FBRS: variants seen among roughly 807,000 people sequenced by gnomAD.
FBRS encodes fibrosin.
FBRS carries 15 observed loss-of-function variants against 86.1 expected under a neutral mutation model. That is an observed-to-expected ratio of 0.17 (90% CI 0.12 to 0.27). The LOEUF (loss-of-function observed/expected upper bound fraction) is 0.27. FBRS is among the 10% of genes least tolerant of loss of function. The pLI is 1.00. For missense variants in FBRS, 1,367 were observed against 1,301.6 expected, an observed-to-expected ratio of 1.05 and a Z score of -0.77; for synonymous variants, 666 against 575.8, an observed-to-expected ratio of 1.16 and a Z score of -2.24.
rs1454898979 is a variant in FBRS at position 30,670,367 on chromosome 16, C to G, written c.*722C>G. 1 of 363,680 alleles carries G rather than the reference C, an allele frequency of 2.7e-6. No individual in the cohort carries two copies. Among genetic ancestry groups the G allele is most frequent in the Non-Finnish European group, 5.4e-6 (1 of 186,024 alleles). 22.5% of individuals were successfully genotyped at this position (363,680 alleles called of 1,614,324 possible). A position where few individuals can be genotyped will look rare whatever the true frequency, so the allele number is the denominator to read the frequency against. ...GGGCAGAAGCTTCCTACTTGGCTGA[C>G]AGCCCCGGTTCCCCCAACATGTTCC... On this transcript the variant is annotated 3_prime_UTR_variant, in exon 18 of 18. Transcript: ENST00000356166.
chr16:30,667,215 C>T, intron 13 of FBRS, 105 bp from the exon 14 acceptor site: 1 of 1,020,066 alleles, frequency 9.8e-7, no homozygotes, highest in Non-Finnish European at 1.4e-6. Context: ...ATCCAGGCCC[C>T]ATCTGGGTGC....
At position 30,659,758 on chromosome 16, in the gene FBRS, A is replaced by T; in HGVS notation, c.240A>T (p.Arg80Ser). 1 of 1,413,658 alleles carries T rather than the reference A, an allele frequency of 7.1e-7. No homozygotes were observed. Among genetic ancestry groups the T allele is most frequent in the Non-Finnish European group, 9.4e-7 (1 of 1,063,486 alleles). 87.6% of individuals were successfully genotyped at this position (1,413,658 alleles called of 1,614,324 possible). ...ASSGERPGGP[R>S]RRRPRPRPRP... ...CTGGAGAGCGGCCTGGGGGCCCGAG[A>T]CGCCGGCGGCCCCGTCCGAGACCTC... The change falls in exon 1 of 18, where the codon AGA (arginine) becomes AGT (serine). Residue 80 changes from arginine (R) to serine (S), a missense_variant. Physicochemically the swap from Arg to Ser is moderately radical, Grantham distance 110. Around this residue, in one of 3 missense-constraint regions of FBRS, gnomAD observed 702 missense variants for 598.7 expected, o/e 1.17. Coordinates refer to ENST00000356166, the MANE Select transcript of FBRS (RefSeq NM_001105079.3).
rs1470909512 is a variant in FBRS at position 30,664,249 on chromosome 16, C to T, written c.1090C>T (p.Pro364Ser). The stretch of plus-strand genomic sequence containing the variant: ...GCCGCCCCCCAAGGCCCCGGCCCCT[C>T]CCGTGGCTCAGCCTCCCCCCTCATC... ...SRPPPKAPAP[P>S]VAQPPPSSSS... Residue 364 changes from proline to serine, a missense_variant, in exon 7 of 18, where the codon CCC (proline) becomes TCC (serine). Transcript: ENST00000356166. The T allele has an allele frequency of 6.8e-7, 1 of 1,468,054 alleles. No homozygotes were observed. The highest frequency in any genetic ancestry group is 9.1e-7 in the Non-Finnish European group (1 of 1,097,356). 90.9% of individuals were successfully genotyped at this position (1,468,054 alleles called of 1,614,324 possible). A position where few individuals can be genotyped will look rare whatever the true frequency, so the allele number is the denominator to read the frequency against.
At chr16:30,660,694 T>G in intron 2 of FBRS, 1 of 567,796 alleles carries the variant, frequency 1.8e-6, no homozygotes, top group Non-Finnish European at 2.7e-6. Context: ...AGGAATATAG[T>G]TGGGTCGTAA....
At chr16:30,662,982 A>T in intron 6 of FBRS, 123 bp downstream of exon 6, 1 of 1,324,536 alleles carries the variant, frequency 7.5e-7, no homozygotes, top group Non-Finnish European at 9.7e-7. Flanking sequence ...AGTTTGAGAA[A>T]AACAAATGGA....
chr16:30,662,773 ACCCCAG>A lies in FBRS; in HGVS notation c.977_982del (p.Pro326_Gln327del). The A allele has an allele frequency of 1.3e-6, 2 of 1,499,280 alleles. No individual in the cohort carries two copies. Among genetic ancestry groups the A allele is most frequent in the Non-Finnish European group, 1.8e-6 (2 of 1,118,670 alleles). The allele number at this position is 1,499,280 out of a possible 1,614,324, so 92.9% of individuals were successfully genotyped here. On this transcript the variant is annotated inframe_deletion, in exon 6 of 18. Transcript: ENST00000356166. ...CGGCCACTCCCAGTCTGCCACCCCC[ACCCCAG>A]CCCCAGCTGCAGCTTCGGGTCTCAC...
rs563758362 is a variant in FBRS, at chr16:30,669,228, C to T, written c.2526C>T (p.Ala842=). ...CCGCTGCCGCTGCTGCTGCCGCCGC[C>T]GCTGCCGCCGCCGCAGCAGCCACTG... ...AAAAAAAAAA[A]AAAAAAATGP... The change falls in exon 18 of 18, where the codon GCC becomes GCT. Residue 842 remains alanine, a synonymous_variant. Coordinates refer to ENST00000356166, the MANE Select transcript of FBRS (RefSeq NM_001105079.3). The surrounding 1 kb of genome is among the most constrained non-coding windows in gnomAD (Gnocchi z 5.9). The T allele has an allele frequency of 6.3e-5, 97 of 1,543,398 alleles. No homozygotes were observed. Among genetic ancestry groups the T allele is most frequent in the Non-Finnish European group, 7.4e-5 (85 of 1,142,348 alleles).
In FBRS at chr16:30,669,794, A is replaced by AC; in HGVS notation, c.*154dup. The AC allele has an allele frequency of 9.9e-7, 1 of 1,014,310 alleles. No homozygotes were observed. The highest frequency in any genetic ancestry group is 1.4e-6 in the Non-Finnish European group (1 of 715,774). The allele number at this position is 1,014,310 out of a possible 1,614,324, so 62.8% of individuals were successfully genotyped here. ...ATGGAACCTGGGAACAGAAGCCTCA[A>AC]CCCCCACAAGACCAAGCATCACATG... On this transcript the variant is annotated 3_prime_UTR_variant, in exon 18 of 18. Transcript: ENST00000356166. This position sits in a 1 kb window ranked among gnomAD's most constrained non-coding sequence, Gnocchi z 5.9.
chr16:30,660,659 T>G, intron 2 of FBRS: 6 of 743,380 alleles, frequency 8.1e-6, no homozygotes, highest in Non-Finnish European at 1.1e-5. Flanking sequence ...ACTTCAAACG[T>G]TTTGATAATT....
Position 30,662,810 on chromosome 16 carries a change from G to A in FBRS, c.1006G>A (p.Gly336Ser), listed in dbSNP as rs755292875. ...GCTGCAGCTTCGGGTCTCACCCTTC[G>A]GCCTCCGCACTTCTCCATATGGCAG... ...PQLQLRVSPF[G>S]LRTSPYGSSL... The change falls in exon 6 of 18, where the codon GGC becomes AGC. Residue 336 changes from glycine (G) to serine (S), a missense_variant. Physicochemically the swap from Gly to Ser is moderately conservative, Grantham distance 56 (BLOSUM62 0). Coordinates refer to ENST00000356166, the MANE Select transcript of FBRS (RefSeq NM_001105079.3). 167 of 1,480,256 alleles carry A rather than the reference G, an allele frequency of 1.1e-4. No homozygotes were observed. Among genetic ancestry groups the A allele is most frequent in the Non-Finnish European group, 1.4e-4 (159 of 1,110,262 alleles). 91.7% of individuals were successfully genotyped at this position (1,480,256 alleles called of 1,614,324 possible).
intron 13 of FBRS, 136 bp downstream of exon 13, chr16:30,667,126 G>A: frequency 9.7e-7 from 1 of 1,027,102 alleles, no homozygotes; most frequent in Non-Finnish European, 1.5e-6. Flanking sequence ...CTGCTGAACA[G>A]TTCTATGGCT....
At chr16:30,666,845 G>T in intron 12 of FBRS, 74 bp from the exon 13 acceptor site, 1 of 1,509,554 alleles carries the variant, frequency 6.6e-7, no homozygotes, top group Non-Finnish European at 9.1e-7. Flanking sequence ...TGGGCCCAGA[G>T]CCAGGCCTGG....
chr16:30,663,422 A>G (rs564607235), intron 6 of FBRS, among the ~76,000 whole-genome samples: 4 of 152,204 alleles, frequency 2.6e-5, no homozygotes, highest in African/African-American at 4.8e-5. Flanking sequence ...ACTTTAAAAA[A>G]TAGTCCTGAG....
chr16:30,668,740 C>G (rs776239889), intron 16 of FBRS, 32 bp from the exon 17 acceptor site: 13 of 1,588,834 alleles, frequency 8.2e-6, no homozygotes, highest in South Asian at 2.2e-5. Flanking sequence ...CACTTCTGGC[C>G]CCTGTCACTC....
rs2052536888 is a variant in FBRS, at chr16:30,667,424, C to T, written c.1980C>T (p.Leu660=). The change falls in exon 14 of 18, where the codon CTC becomes CTT. Residue 660 remains leucine (L), a synonymous_variant. Transcript: ENST00000356166. ...AGGAGCTCTCCCACCCGGCCTCCCT[C>T]TTCACTGCGACTGGTGAGTCTGGCC... ...PGQELSHPAS[L]FTATGAVHAA... 2 of 1,545,564 alleles carry T rather than the reference C, an allele frequency of 1.3e-6. No homozygotes were observed. Among genetic ancestry groups the T allele is most frequent in the East Asian group, 2.4e-5 (1 of 40,824 alleles).
intron 15 of FBRS, 163 bp from the exon 16 acceptor site, chr16:30,668,397 C>A: frequency 1.6e-6 from 1 of 639,314 alleles, no homozygotes; most frequent in Non-Finnish European, 2.8e-6. Flanking sequence ...GGGTGCTTGT[C>A]AAAGCTCAAC....
At chr16:30,660,714 G>A in intron 2 of FBRS, 2 of 506,302 alleles carry the variant, frequency 4.0e-6, no homozygotes, top group Non-Finnish European at 6.3e-6. Context: ...AATTAATTGT[G>A]GTTCCTGCCC....
At chr16:30,660,039 T>C (rs1174295642) in intron 1 of FBRS, 62 bp downstream of exon 1, 1 of 1,518,140 alleles carries the variant, frequency 6.6e-7, no homozygotes, top group Non-Finnish European at 8.8e-7. Context: ...GAGGGGGCAG[T>C]GCCCCTAGTG....
rs1449199637 is a variant in FBRS, at chr16:30,662,398, A to G, written c.706-22A>G. On this transcript the variant is annotated intron_variant, in intron 4 of 17. Coordinates refer to ENST00000356166, the MANE Select transcript of FBRS (RefSeq NM_001105079.3). ...CCTGGCCCACCCACAACCTAACTCT[A>G]TCCCTTGCCCTTCTTCCCCAGGTCT... The G allele has an allele frequency of 4.5e-6, 7 of 1,550,066 alleles. No homozygotes were observed. In the South Asian group the frequency reaches 8.3e-5, roughly 18 times the overall value.
Sources: gnomAD v4.1 joint callset for allele counts (sites outside exome capture counted in the v4.1 genomes callset) on GRCh38, gnomAD v4.1.1 for gene constraint, gnomAD v4.1.1 regional missense constraint, Gnocchi (gnomAD v3.1) non-coding constraint, MANE v1.5 for transcripts, NCBI Gene and HGNC (gene_info 2026-07-23, HGNC 2026-07-21) for gene names.